A2M: variants seen among roughly 807,000 people sequenced by gnomAD.
A2M encodes the protein alpha-2-macroglobulin.
A neutral mutation model predicts 183.9 loss-of-function variants in A2M; 128 were observed. The observed-to-expected ratio is 0.70, with a 90% confidence interval of 0.60 to 0.81. A2M has a LOEUF of 0.81. Among genes scored for constraint, A2M ranks in the 30% least tolerant of loss-of-function variants. The pLI, the probability that A2M is intolerant of heterozygous loss-of-function variation, is 0.00. For missense variants in A2M, 1,495 were observed against 1,787.6 expected (o/e 0.84, Z 2.95); for synonymous variants, 592 against 670.8 (o/e 0.88, Z 1.81).
chr12:9,101,292 C>A (rs1937825867), intron 12 of A2M, 85 bp from the exon 13 acceptor site: 4 of 1,430,802 alleles, frequency 2.8e-6, no homozygotes, highest in African/African-American at 1.4e-5. Context: ...TTTATTGAGT[C>A]CCTGCCGGCA....
chr12:9,074,911 G>T, intron 28 of A2M, 128 bp from the exon 29 acceptor site: 1 of 996,522 alleles, frequency 1.0e-6, no homozygotes, highest in Non-Finnish European at 1.5e-6. Flanking sequence ...GTATGTAGAT[G>T]CTTTTCCCTT....
At chr12:9,077,994 T>A (rs753893614) in intron 25 of A2M, 137 bp from the exon 26 acceptor site, 1 of 988,362 alleles carries the variant, frequency 1.0e-6, no homozygotes, top group Non-Finnish European at 1.5e-6. Context: ...CCTTGATTAA[T>A]CTTTAGTCTG....
In A2M at chr12:9,072,396, T is replaced by C. The variant is rs1163589028; in HGVS notation, c.4066A>G (p.Lys1356Glu). The C allele has an allele frequency of 1.2e-6, 2 of 1,613,932 alleles. No individual in the cohort carries two copies. The highest frequency in any genetic ancestry group is 4.5e-5 in the East Asian group (2 of 44,886). The change falls in exon 31 of 36, where the codon AAA (lysine) becomes GAA (glutamate). Residue 1356 changes from lysine (K) to glutamate (E), a missense_variant. Lys to Glu is a moderately conservative substitution (Grantham distance 56). Transcript: ENST00000318602. ...QTLPQTCDEP[K>E]AHTSFQISLS... The stretch of plus-strand genomic sequence containing the variant: ...GAGATTTGGAAGCTGGTGTGGGCTT[T>C]GGGTTCATCACAAGTTTGAGGCAGA...
At position 9,104,305 on chromosome 12, in the gene A2M, A is replaced by C. The variant is rs1938116849; in HGVS notation, c.1200T>G (p.Asp400Glu). ...TAGAGAACTGTACAAGGCCATGCTC[A>C]TCCGTGGTAGCATTGGAGTAATAGT... is the stretch of plus-strand genomic sequence containing the variant. The part of the protein sequence containing the change: ...EANYYSNATT[D>E]EHGLVQFSIN... The change falls in exon 11 of 36, where the codon GAT becomes GAG. Residue 400 changes from aspartate to glutamate, a missense_variant. Physicochemically the swap from Asp to Glu is conservative, Grantham distance 45. Coordinates refer to ENST00000318602, the MANE Select transcript of A2M (RefSeq NM_000014.6). 1 of 1,613,058 alleles carries C rather than the reference A, an allele frequency of 6.2e-7. No homozygotes were observed. The highest frequency in any genetic ancestry group is 8.5e-7 in the Non-Finnish European group (1 of 1,179,546).
chr12:9,077,045 A>T, intron 27 of A2M, 109 bp from the exon 28 acceptor site: 1 of 949,958 alleles, frequency 1.1e-6, no homozygotes, highest in East Asian at 2.5e-5. Flanking sequence ...CATTTTTCCA[A>T]CGATTCCTCA....
intron 23 of A2M, 114 bp from the exon 24 acceptor site, chr12:9,079,929 T>C: frequency 8.9e-7 from 1 of 1,124,684 alleles, no homozygotes; most frequent in Non-Finnish European, 1.2e-6. Flanking sequence ...GGAAGGATGA[T>C]TCTTCCAGGG....
rs1456411750 is a variant in A2M, at chr12:9,115,713, A to G, written c.86+51T>C. 2.1e-6 allele frequency: 3 copies of G among 1,400,526 alleles called. No individual in the cohort carries two copies. In the African/African-American group the frequency reaches 4.3e-5, roughly 20 times the overall value. 86.8% of individuals were successfully genotyped at this position (1,400,526 alleles called of 1,614,324 possible). On this transcript the variant is annotated intron_variant, in intron 1 of 35. Transcript: ENST00000318602. ...GGAATGATATAAAGAAAAATCTGCA[A>G]TAAATGAAGGACTCTAGGTTCATGC... is the stretch of plus-strand genomic sequence containing the variant.
At position 9,090,026 on chromosome 12, in the gene A2M, G is replaced by GA. The variant is rs761812812; in HGVS notation, c.2597-4dup. 59 of 1,576,106 alleles carry GA rather than the reference G, an allele frequency of 3.7e-5. No individual in the cohort carries two copies. Among genetic ancestry groups the GA allele is most frequent in the South Asian group, 1.7e-4 (15 of 86,378 alleles). The stretch of plus-strand genomic sequence containing the variant: ...GCTCACAGTGAAATTCACATTTCCT[G>GA]AAAAAAAAGGCCAGTAGAAATGAAT... On this transcript the variant is annotated splice_polypyrimidine_tract_variant and splice_region_variant and intron_variant, in intron 20 of 35. Coordinates refer to ENST00000318602, the MANE Select transcript of A2M (RefSeq NM_000014.6).
chr12:9,070,174 A>G (rs777529879), intron 32 of A2M, among the ~76,000 whole-genome samples: 1 of 152,276 alleles, frequency 6.6e-6, no homozygotes, highest in African/African-American at 2.4e-5. Context: ...AGTTTATGCC[A>G]ATCAGTCATT....
chr12:9,092,878 T>C (rs1187341796), intron 18 of A2M, among the ~76,000 whole-genome samples: 1 of 152,202 alleles, frequency 6.6e-6, no homozygotes, highest in Non-Finnish European at 1.5e-5. Context: ...TCTGGGTGAA[T>C]GGATAAATAA....
chr12:9,083,841 A>G (rs1224960388), intron 22 of A2M, among the ~76,000 whole-genome samples: 3 of 152,108 alleles, frequency 2.0e-5, no homozygotes, highest in South Asian at 2.1e-4. Flanking sequence ...AGAGGTCTCC[A>G]GTGAAATTCA....
Position 9,067,763 on chromosome 12 carries a change from T to C in A2M, c.*60A>G. The C allele has an allele frequency of 6.5e-7, 1 of 1,535,060 alleles. No homozygotes were observed. Among genetic ancestry groups the C allele is most frequent in the Non-Finnish European group, 9.0e-7 (1 of 1,111,574 alleles). The stretch of plus-strand genomic sequence containing the variant: ...AAGTCTTTAAAGATACAAAAACACG[T>C]GTCTTCTGTGGAGCTCTGAGAACAG... On this transcript the variant is annotated 3_prime_UTR_variant, in exon 36 of 36. Transcript: ENST00000318602.
At chr12:9,100,211 A>G (rs746078414) in intron 13 of A2M, among the ~76,000 whole-genome samples, 1 of 152,314 alleles carries the variant, frequency 6.6e-6, no homozygotes, top group South Asian at 2.1e-4. Context: ...CTTGAAAGGG[A>G]AAAAAGATAT....
chr12:9,076,035 C>T (rs1805656), intron 28 of A2M, among the ~76,000 whole-genome samples: 57,484 of 151,992 alleles, frequency 0.38, 11,608 homozygotes, highest in African/African-American at 0.49. Flanking sequence ...TCTTCAACCG[C>T]TCATATAGAC....
intron 22 of A2M, among the ~76,000 whole-genome samples, chr12:9,081,062 T>TAA (rs913500182): frequency 6.6e-6 from 1 of 151,904 alleles, no homozygotes; most frequent in Non-Finnish European, 1.5e-5. Flanking sequence ...AAAACTTTTG[T>TAA]AAAAAAACAG....
chr12:9,090,227 T>C, intron 20 of A2M, 129 bp downstream of exon 20: 1 of 1,476,022 alleles, frequency 6.8e-7, no homozygotes, highest in Non-Finnish European at 9.4e-7. Context: ...CATCTTAGAA[T>C]AAAAGGCAAA....
rs202109195 is a variant in A2M, at chr12:9,091,388, G to C, written c.2282C>G (p.Thr761Ser). Residue 761 changes from threonine (T) to serine (S), a missense_variant, in exon 19 of 36, where the codon ACC (threonine) becomes AGC (serine). By Grantham distance (58) the Thr-to-Ser change is moderately conservative. Transcript: ENST00000318602. ...GGCCCCTGCCTTCCACTCGGTGATGGTGTCAGGGACTGTTACTCCTACCTC... is the reference window on the plus strand; with the variant it reads ...GGCCCCTGCCTTCCACTCGGTGATGCTGTCAGGGACTGTTACTCCTACCTC... ...VAEVGVTVPD[T>S]ITEWKAGAFC... 6.2e-7 allele frequency: 1 copy of C among 1,614,164 alleles called. No homozygotes were observed. Among genetic ancestry groups the C allele is most frequent in the East Asian group, 2.2e-5 (1 of 44,864 alleles).
intron 7 of A2M, among the ~76,000 whole-genome samples, chr12:9,108,157 G>A (rs1458097718): frequency 2.0e-5 from 3 of 151,132 alleles, no homozygotes; most frequent in African/African-American, 4.9e-5. Context: ...ATGGAGTCTC[G>A]CTCTGTCGCC....
intron 18 of A2M, 65 bp from the exon 19 acceptor site, chr12:9,091,494 A>ATTCTC (rs2137796346): frequency 2.7e-6 from 4 of 1,495,704 alleles, no homozygotes; most frequent in African/African-American, 1.4e-5. Context: ...TAGGGAGAGA[A>ATTCTC]TCCCTAGGAA....
Sources: gnomAD v4.1 joint callset for allele counts (sites outside exome capture counted in the v4.1 genomes callset) on GRCh38, gnomAD v4.1.1 for gene constraint, MANE v1.5 for transcripts, NCBI Gene and HGNC (gene_info 2026-07-23, HGNC 2026-07-21) for gene names.